Variants in DSCAM observed in about 807,000 individuals in gnomAD.
DSCAM encodes cell adhesion molecule DSCAM.
DSCAM carries 47 observed loss-of-function variants against 217.7 expected under a neutral mutation model. The observed-to-expected ratio is 0.22, with a 90% confidence interval of 0.17 to 0.28. DSCAM has a LOEUF of 0.28. Among genes scored for constraint, DSCAM ranks in the 10% least tolerant of loss-of-function variants. The probability of loss-of-function intolerance (pLI) is 1.00; values close to 1 mark genes in which losing one functional copy is unlikely to be tolerated. For missense variants in DSCAM, 2,080 were observed against 2,618.3 expected (o/e 0.79, Z 4.49); for synonymous variants, 1,056 against 1,015.3 (o/e 1.04, Z -0.76).
intron 20 of DSCAM, among the ~76,000 whole-genome samples, chr21:40,104,762 G>A (rs1315626640): frequency 1.3e-5 from 2 of 152,138 alleles, no homozygotes; most frequent in Admixed American, 6.5e-5. Flanking sequence ...CTTTATTGGG[G>A]GATGTCGATA....
In DSCAM at chr21:40,353,453, C is replaced by T. The variant is rs372784920; in HGVS notation, c.934+12G>A. The T allele has an allele frequency of 1.1e-3, 1,749 of 1,594,826 alleles. 30 individuals are homozygous for T. In the South Asian group the frequency reaches 0.019, roughly 17 times the overall value. On this transcript the variant is annotated intron_variant, in intron 5 of 32. Transcript: ENST00000400454. Reference sequence around the variant, plus strand: ...AGCCAACACCACCTTTGCAAGTTACCGTCCAACTTACGTTTCACGTACAGG... The same window carrying T: ...AGCCAACACCACCTTTGCAAGTTACTGTCCAACTTACGTTTCACGTACAGG...
At chr21:40,736,083 G>C (rs941737141) in intron 1 of DSCAM, among the ~76,000 whole-genome samples, 2 of 152,158 alleles carry the variant, frequency 1.3e-5, no homozygotes, top group African/African-American at 4.8e-5. Context: ...CAAAACTCAG[G>C]AAATCACTTT....
Position 40,376,531 on chromosome 21 carries a change from A to AGATATCGATATATCTTATATC in DSCAM, c.509-7307_509-7287dup, listed in dbSNP as rs1569092858. On this transcript the variant is annotated intron_variant, in intron 3 of 32. Transcript: ENST00000400454. ...ATATCGATATCTATATATCTTATAT[A>AGATATCGATATATCTTATATC]GATATCGATATATCTTATATCGATA... is the stretch of plus-strand genomic sequence containing the variant. Among the ~76,000 whole-genome samples, 10 of 72,580 alleles carry AGATATCGATATATCTTATATC rather than the reference A, an allele frequency of 1.4e-4. 2 individuals carry two copies. The highest frequency in any genetic ancestry group is 4.4e-4 in the South Asian group (1 of 2,268). The allele number at this position is 72,580 out of a possible 152,430, so 47.6% of individuals were successfully genotyped here.
intron 3 of DSCAM, among the ~76,000 whole-genome samples, chr21:40,605,791 CTT>C (rs755767800): frequency 0.015 from 922 of 61,788 alleles, 13 homozygotes; most frequent in African/African-American, 0.053. Context: ...AATGCACATT[CTT>C]TTTTTTTTTT....
intron 11 of DSCAM, among the ~76,000 whole-genome samples, chr21:40,253,167 G>C (rs939628834): frequency 9.9e-5 from 15 of 152,152 alleles, no homozygotes; most frequent in African/African-American, 3.6e-4. Flanking sequence ...CTGGGCTTAG[G>C]ATGGTTGGTC....
intron 24 of DSCAM, among the ~76,000 whole-genome samples, chr21:40,083,132 T>C (rs1268796816): frequency 1.3e-5 from 2 of 152,204 alleles, no homozygotes; most frequent in Non-Finnish European, 2.9e-5. Context: ...ACTCCTTCCA[T>C]ATAAACCTCA....
intron 11 of DSCAM, among the ~76,000 whole-genome samples, chr21:40,273,996 G>C (rs903404291): frequency 6.6e-6 from 1 of 152,096 alleles, no homozygotes; most frequent in African/African-American, 2.4e-5. Context: ...CATTCCACAC[G>C]GTCACTGATT....
At chr21:40,701,482 C>A (rs961028474) in intron 2 of DSCAM, among the ~76,000 whole-genome samples, 1 of 151,964 alleles carries the variant, frequency 6.6e-6, no homozygotes, top group Non-Finnish European at 1.5e-5. Flanking sequence ...TTAGTTTTAT[C>A]CTCTTTTTCA....
rs569226496 is a variant in DSCAM, at chr21:40,617,268, C to T, written c.508+75542G>A. ...CCTCCTGAGTAGCTGGGACTACAGG[C>T]GCCCGCCACCACGCTCGGCTAATTT... On this transcript the variant is annotated intron_variant, in intron 3 of 32. Coordinates refer to ENST00000400454, the MANE Select transcript of DSCAM (RefSeq NM_001389.5). Among the ~76,000 whole-genome samples the T allele has an allele frequency of 2.7e-4, 41 of 151,258 alleles. 1 individual carries two copies. Among genetic ancestry groups the T allele is most frequent in the South Asian group, 1.0e-3 (5 of 4,764 alleles).
intron 1 of DSCAM, among the ~76,000 whole-genome samples, chr21:40,786,632 AG>A (rs1314161592): frequency 6.6e-6 from 1 of 152,220 alleles, no homozygotes; most frequent in Non-Finnish European, 1.5e-5. Flanking sequence ...TGAAAAAGCC[AG>A]ACCTTTGGTC....
At chr21:40,318,079 G>C (rs189327732) in intron 8 of DSCAM, among the ~76,000 whole-genome samples, 1 of 149,038 alleles carries the variant, frequency 6.7e-6, no homozygotes, top group African/African-American at 2.5e-5. Context: ...TATCATTGTC[G>C]CAAGGACAAA....
chr21:40,148,121 A>C (rs1417232963), intron 16 of DSCAM, among the ~76,000 whole-genome samples: 2 of 152,204 alleles, frequency 1.3e-5, no homozygotes, highest in Non-Finnish European at 2.9e-5. Flanking sequence ...TATTTTTCTT[A>C]ATATTCCAAT....
At chr21:40,637,632 A>ATATCTATATAT (rs1555875012) in intron 3 of DSCAM, among the ~76,000 whole-genome samples, 2 of 42,220 alleles carry the variant, frequency 4.7e-5, no homozygotes, top group African/African-American at 1.9e-4. Context: ...TACATATATA[A>ATATCTATATAT]ATATATATAA....
At chr21:40,075,320 G>T (rs1215968536) in intron 26 of DSCAM, 107 bp from the exon 27 acceptor site, 1 of 1,207,646 alleles carries the variant, frequency 8.3e-7, no homozygotes, top group East Asian at 2.5e-5. Flanking sequence ...AAGGGTGTTG[G>T]AGGTGATGAG....
At chr21:40,213,393 G>A (rs2091205063) in intron 11 of DSCAM, among the ~76,000 whole-genome samples, 1 of 152,096 alleles carries the variant, frequency 6.6e-6, no homozygotes, top group Non-Finnish European at 1.5e-5. Context: ...TTACTGTCAG[G>A]ACTGTAATGA....
chr21:40,652,463 T>C (rs765257154), intron 3 of DSCAM, among the ~76,000 whole-genome samples: 1 of 152,176 alleles, frequency 6.6e-6, no homozygotes, highest in Non-Finnish European at 1.5e-5. Flanking sequence ...AAAAGCTATG[T>C]GATCAGCCAG....
intron 8 of DSCAM, among the ~76,000 whole-genome samples, chr21:40,325,602 A>T (rs995144239): frequency 6.6e-6 from 1 of 152,224 alleles, no homozygotes; most frequent in Non-Finnish European, 1.5e-5. Flanking sequence ...AAGCAGGAAG[A>T]AGTAGCAGGA....
intron 10 of DSCAM, among the ~76,000 whole-genome samples, chr21:40,291,995 G>A (rs970653977): frequency 1.3e-5 from 2 of 152,236 alleles, no homozygotes; most frequent in African/African-American, 2.4e-5. Flanking sequence ...ATACATGCAA[G>A]AGAATGGCAT....
chr21:40,297,842 T>C (rs140616903), intron 9 of DSCAM, among the ~76,000 whole-genome samples: 1 of 152,182 alleles, frequency 6.6e-6, no homozygotes, highest in Non-Finnish European at 1.5e-5. Context: ...AAGCCAAGTG[T>C]TAAACACATT....
Sources: gnomAD v4.1 joint callset for allele counts (sites outside exome capture counted in the v4.1 genomes callset) on GRCh38, gnomAD v4.1.1 for gene constraint, MANE v1.5 for transcripts, NCBI Gene and HGNC (gene_info 2026-07-23, HGNC 2026-07-21) for gene names.